The following PMPCB variants were observed in gnomAD, a reference collection of about 807,000 sequenced individuals.
PMPCB encodes the protein peptidase, mitochondrial processing subunit beta, also known as mitochondrial-processing peptidase subunit beta.
In PMPCB, 46 loss-of-function variants were observed where a neutral mutation model predicts 61.5. The ratio of observed to expected loss-of-function variants is 0.75; its 90% CI spans 0.59 to 0.96. PMPCB has a LOEUF of 0.96. Ranked by LOEUF, PMPCB falls within the 40% of genes least tolerant of loss-of-function variation. PMPCB has a pLI of 0.00. For missense variants in PMPCB, 590 were observed against 602.4 expected, an observed-to-expected ratio of 0.98 and a Z score of 0.22; for synonymous variants, 191 against 201.6, an observed-to-expected ratio of 0.95 and a Z score of 0.44.
chr7:103,313,784 A>T lies in PMPCB; in HGVS notation c.*1513A>T. 1 of 984,636 alleles carries T rather than the reference A, an allele frequency of 1.0e-6. No homozygotes were observed. The highest frequency in any genetic ancestry group is 1.2e-6 in the Non-Finnish European group (1 of 829,196). 61.0% of individuals were successfully genotyped at this position (984,636 alleles called of 1,614,324 possible). Reference sequence around the variant, plus strand: ...TCTAAGATGTGTGTCAGAAACAAATATGTTTCTTAAGGATGTTAAGTATTA... The same window carrying T: ...TCTAAGATGTGTGTCAGAAACAAATTTGTTTCTTAAGGATGTTAAGTATTA... On this transcript the variant is annotated 3_prime_UTR_variant, in exon 13 of 13. Transcript: ENST00000249269.
In PMPCB at chr7:103,313,437, C is replaced by G; in HGVS notation, c.*1166C>G. ...TTTATAGTACTGTTGGACTCTTGGA[C>G]TCAAAAACACAACCACAATTCATTA... On this transcript the variant is annotated 3_prime_UTR_variant, in exon 13 of 13. Transcript: ENST00000249269. 1 of 984,244 alleles carries G rather than the reference C, an allele frequency of 1.0e-6. No homozygotes were observed. The highest frequency in any genetic ancestry group is 1.2e-6 in the Non-Finnish European group (1 of 828,886). The allele number at this position is 984,244 out of a possible 1,614,324, so 61.0% of individuals were successfully genotyped here.
chr7:103,307,517 C>T, intron 6 of PMPCB, 79 bp from the exon 7 acceptor site: 1 of 797,786 alleles, frequency 1.3e-6, no homozygotes, highest in Middle Eastern at 2.4e-4. Flanking sequence ...GTGTAATGTA[C>T]ATCACATTAT....
At chr7:103,298,940 T>C (rs1387561387) in intron 2 of PMPCB, among the ~76,000 whole-genome samples, 5 of 152,218 alleles carry the variant, frequency 3.3e-5, no homozygotes. Context: ...TTATTGATTA[T>C]TTATTTTCAG....
intron 12 of PMPCB, among the ~76,000 whole-genome samples, chr7:103,328,507 T>G (rs1329460981): frequency 6.6e-6 from 1 of 151,978 alleles, no homozygotes; most frequent in African/African-American, 2.4e-5. Flanking sequence ...GGTGCATGCC[T>G]GTGGTCCCAG....
chr7:103,318,337 G>C (rs1818189599), downstream of PMPCB, among the ~76,000 whole-genome samples: 1 of 152,040 alleles, frequency 6.6e-6, no homozygotes, highest in Non-Finnish European at 1.5e-5. Flanking sequence ...GTTAATTTTT[G>C]TATTTTCGGT....
In PMPCB at chr7:103,311,661, T is replaced by C. The variant is rs1817756420; in HGVS notation, c.1173T>C (p.Ser391=). 1 of 1,613,680 alleles carries C rather than the reference T, an allele frequency of 6.2e-7. No homozygotes were observed. The highest frequency in any genetic ancestry group is 1.7e-5 in the Admixed American group (1 of 59,992). ...VQKEWMRLCT[S]VTESEVARAR... ...TTTTTAGGATGCGACTCTGTACAAGTGTCACAGAAAGTGAGGTTGCACGAG... is the reference window on the plus strand; with the variant it reads ...TTTTTAGGATGCGACTCTGTACAAGCGTCACAGAAAGTGAGGTTGCACGAG... The change falls in exon 10 of 13, where the codon AGT becomes AGC. Residue 391 remains serine (S), a synonymous_variant. Coordinates refer to ENST00000249269, the MANE Select transcript of PMPCB (RefSeq NM_004279.3).
chr7:103,333,670 T>C (rs954365881), downstream of PMPCB, among the ~76,000 whole-genome samples: 10 of 152,226 alleles, frequency 6.6e-5, no homozygotes, highest in Admixed American at 5.9e-4. Context: ...GCTCCCATCC[T>C]CTACCAGCTG....
the PMPCB span, among the ~76,000 whole-genome samples, chr7:103,339,633 C>A: frequency 6.6e-6 from 1 of 151,202 alleles, no homozygotes; most frequent in African/African-American, 2.4e-5. Context: ...TGGAGTTTCA[C>A]TCTTGTTGCC....
chr7:103,338,590 C>T, the PMPCB span, among the ~76,000 whole-genome samples: 1 of 151,936 alleles, frequency 6.6e-6, no homozygotes, highest in Admixed American at 6.6e-5. Flanking sequence ...TGAGCCACTG[C>T]ACCCGGCCAA....
At chr7:103,346,268 G>T in the PMPCB span, among the ~76,000 whole-genome samples, 1 of 152,082 alleles carries the variant, frequency 6.6e-6, no homozygotes. Flanking sequence ...GAGTAGCTGG[G>T]ATTACAGGTG....
intron 12 of PMPCB, among the ~76,000 whole-genome samples, chr7:103,325,446 A>T (rs1477862285): frequency 2.1e-5 from 2 of 94,826 alleles, no homozygotes; most frequent in East Asian, 4.4e-4. Context: ...CAAAATAAAA[A>T]AGGAAAAAAA....
the PMPCB span, chr7:103,344,910 C>G: frequency 1.8e-6 from 1 of 557,014 alleles, no homozygotes; most frequent in Non-Finnish European, 3.2e-6. Context: ...TTCCTAGGCG[C>G]ATCAGTTTTC....
chr7:103,317,607 A>G (rs572478470), downstream of PMPCB, among the ~76,000 whole-genome samples: 13 of 152,010 alleles, frequency 8.6e-5, no homozygotes, highest in African/African-American at 3.1e-4. Flanking sequence ...ACCTTGAAAA[A>G]TTTTTTTGAT....
chr7:103,307,442 G>A (rs750531729), intron 6 of PMPCB, among the ~76,000 whole-genome samples, 154 bp from the exon 7 acceptor site: 6 of 152,180 alleles, frequency 3.9e-5, no homozygotes, highest in Non-Finnish European at 7.3e-5. Flanking sequence ...GCAACACCAA[G>A]GAAATAGGTG....
At chr7:103,305,140 C>T (rs1017868677) in intron 6 of PMPCB, among the ~76,000 whole-genome samples, 3 of 152,106 alleles carry the variant, frequency 2.0e-5, no homozygotes, top group African/African-American at 4.8e-5. Context: ...GAACCAACTT[C>T]GTCCTTGTTC....
intron 6 of PMPCB, among the ~76,000 whole-genome samples, chr7:103,306,047 A>G (rs907489400): frequency 1.3e-5 from 2 of 152,214 alleles, no homozygotes; most frequent in African/African-American, 4.8e-5. Context: ...TAAATACTAC[A>G]TAAGTGATGT....
intron 4 of PMPCB, among the ~76,000 whole-genome samples, chr7:103,301,923 G>A (rs186864799): frequency 6.6e-6 from 1 of 152,122 alleles, no homozygotes; most frequent in Non-Finnish European, 1.5e-5. Context: ...TTTACATTAG[G>A]TATATCTCCT....
At chr7:103,319,694 G>A (rs1175419897) in intron 12 of PMPCB, 1 of 1,613,560 alleles carries the variant, frequency 6.2e-7, no homozygotes, top group South Asian at 1.1e-5. Flanking sequence ...GAAAAAAAAA[G>A]AAGAAATGAA....
the PMPCB span, among the ~76,000 whole-genome samples, chr7:103,342,193 A>C: frequency 1.3e-5 from 2 of 152,262 alleles, no homozygotes; most frequent in African/African-American, 4.8e-5. Context: ...CAAAACAAAA[A>C]AAACTCAGTA....
Sources: allele counts gnomAD v4.1 joint callset (sites outside exome capture counted in the v4.1 genomes callset), GRCh38; gene constraint gnomAD v4.1.1; transcripts MANE v1.5; gene names NCBI Gene and HGNC (gene_info 2026-07-23, HGNC 2026-07-21).